Variants in PLEKHG1 observed in about 807,000 individuals in gnomAD.
PLEKHG1 encodes the protein pleckstrin homology domain-containing family G member 1.
A neutral mutation model predicts 100.8 loss-of-function variants in PLEKHG1; 44 were observed. The observed-to-expected ratio is 0.44, with a 90% CI of 0.34 to 0.56. The LOEUF is 0.56. Ranked by LOEUF, PLEKHG1 falls within the 20% of genes least tolerant of loss-of-function variation. The pLI is 0.01. For missense variants in PLEKHG1, 1,545 were observed against 1,720.9 expected (o/e 0.90, Z 1.81); for synonymous variants, 640 against 662.5 (o/e 0.97, Z 0.52).
intron 6 of PLEKHG1, among the ~76,000 whole-genome samples, chr6:150,802,556 A>G (rs999274340): frequency 1.3e-5 from 2 of 152,202 alleles, no homozygotes; most frequent in Admixed American, 1.3e-4. Context: ...GCTGGCAATG[A>G]AGAAAAAAAA....
At chr6:150,771,930 C>A (rs1329361773) in intron 3 of PLEKHG1, among the ~76,000 whole-genome samples, 1 of 152,146 alleles carries the variant, frequency 6.6e-6, no homozygotes, top group Non-Finnish European at 1.5e-5. Context: ...AGGCGTGGCT[C>A]ATGGGAGTTT....
intron 2 of PLEKHG1, among the ~76,000 whole-genome samples, chr6:150,747,850 C>T (rs72570348): frequency 0.1 from 15,667 of 151,290 alleles, 861 homozygotes; most frequent in Admixed American, 0.15. Context: ...GAGCCAAGAT[C>T]GCACCATTGC....
At chr6:150,808,634 T>C (rs1787287986) in intron 7 of PLEKHG1, among the ~76,000 whole-genome samples, 2 of 152,126 alleles carry the variant, frequency 1.3e-5, no homozygotes, top group African/African-American at 4.8e-5. Context: ...GCACCTGTAA[T>C]CCCACCTACT....
chr6:150,833,058 T>TC (rs1195390494), intron 15 of PLEKHG1, among the ~76,000 whole-genome samples: 1 of 151,380 alleles, frequency 6.6e-6, no homozygotes, highest in Non-Finnish European at 1.5e-5. Flanking sequence ...TTTTTTTTTT[T>TC]TTGAGATAGG....
At chr6:150,723,715 G>A (rs894858563) in intron 1 of PLEKHG1, among the ~76,000 whole-genome samples, 1 of 152,118 alleles carries the variant, frequency 6.6e-6, no homozygotes, top group African/African-American at 2.4e-5. Context: ...AGGCTCACCT[G>A]TTATAATAGA....
At chr6:150,829,169 G>A (rs1420025993) in intron 14 of PLEKHG1, among the ~76,000 whole-genome samples, 1 of 152,144 alleles carries the variant, frequency 6.6e-6, no homozygotes, top group Non-Finnish European at 1.5e-5. Context: ...ATATGTCTCT[G>A]GTACTAATTA....
intron 14 of PLEKHG1, among the ~76,000 whole-genome samples, chr6:150,826,928 C>T (rs544214268): frequency 5.4e-4 from 82 of 152,140 alleles, no homozygotes; most frequent in Non-Finnish European, 9.4e-4. Flanking sequence ...TGTGTATCAC[C>T]GTGTCCAGCC....
At chr6:150,663,041 T>C (rs942446383) in intron 3 of PLEKHG1, 3 of 152,138 alleles carry the variant, frequency 2.0e-5, no homozygotes, top group South Asian at 2.1e-4. Flanking sequence ...CATGAAATGC[T>C]GACCTGCTGA....
chr6:150,824,308 AGTGTG>A lies in PLEKHG1; in HGVS notation c.1470+634_1470+638del, dbSNP rs530852938. Among the ~76,000 whole-genome samples the A allele has an allele frequency of 2.3e-3, 357 of 152,332 alleles. 3 individuals carry two copies. The highest frequency in any genetic ancestry group is 7.9e-3 in the African/African-American group (329 of 41,570). On this transcript the variant is annotated intron_variant, in intron 14 of 15. Transcript: ENST00000358517. ...TTCTCCTGACCTGAGTGGTTTGTCC[AGTGTG>A]GCTACTGATCAGTTGGCTTAATTAA...
In PLEKHG1 at chr6:150,605,302, G is replaced by T. The variant is rs1365028631; in HGVS notation, c.-204+5285G>T. Among the ~76,000 whole-genome samples, 3 of 152,230 alleles carry T rather than the reference G, an allele frequency of 2.0e-5. No individual in the cohort carries two copies. The East Asian group carries it at 5.8e-4, about 29-fold the overall frequency. ...CAGGGCCTTGGATGCGATACACAGT[G>T]TAGCAGAGTACATACGTGTATGGGC... On this transcript the variant is annotated intron_variant, in intron 1 of 3. Transcript: ENST00000367326.
chr6:150,782,941 A>T (rs1041537072), intron 3 of PLEKHG1, among the ~76,000 whole-genome samples: 1 of 152,174 alleles, frequency 6.6e-6, no homozygotes, highest in Non-Finnish European at 1.5e-5. Context: ...AAAATCATCA[A>T]AAAGGGAGCT....
At chr6:150,733,498 A>T (rs1265496069) in intron 1 of PLEKHG1, 86 bp from the exon 3 acceptor site, 1 of 1,206,492 alleles carries the variant, frequency 8.3e-7, no homozygotes, top group Non-Finnish European at 1.1e-6. Flanking sequence ...GACTGTATTT[A>T]TTTGAGCTAG....
At chr6:150,703,930 T>G (rs903715841) in intron 3 of PLEKHG1, among the ~76,000 whole-genome samples, 5 of 152,262 alleles carry the variant, frequency 3.3e-5, no homozygotes, top group African/African-American at 1.2e-4. Flanking sequence ...AATTTGTTTA[T>G]ATATTATTAT....
At chr6:150,649,608 G>A (rs1778633580) in intron 2 of PLEKHG1, among the ~76,000 whole-genome samples, 2 of 152,206 alleles carry the variant, frequency 1.3e-5, no homozygotes, top group Admixed American at 6.5e-5. Flanking sequence ...TGGACGCGGT[G>A]GCTTATGCCT....
intron 3 of PLEKHG1, among the ~76,000 whole-genome samples, chr6:150,778,318 G>T (rs190122479): frequency 6.6e-6 from 1 of 152,218 alleles, no homozygotes; most frequent in East Asian, 1.9e-4. Context: ...AGTAGAGAGG[G>T]GGCTTCACCA....
chr6:150,653,068 T>C (rs1189382706), intron 3 of PLEKHG1, among the ~76,000 whole-genome samples: 1 of 152,194 alleles, frequency 6.6e-6, no homozygotes, highest in African/African-American at 2.4e-5. Context: ...GAAGTTCTTT[T>C]CTCTAACTTA....
chr6:150,666,439 G>T (rs954202520), intron 3 of PLEKHG1, among the ~76,000 whole-genome samples: 1 of 152,106 alleles, frequency 6.6e-6, no homozygotes, highest in South Asian at 2.1e-4. Flanking sequence ...CTCTGCTTCG[G>T]CTGTGTTGGT....
chr6:150,619,476 G>A (rs1477898396), intron 1 of PLEKHG1, among the ~76,000 whole-genome samples: 1 of 152,198 alleles, frequency 6.6e-6, no homozygotes, highest in Non-Finnish European at 1.5e-5. Flanking sequence ...GCCTTGGAGG[G>A]CAATAGAAAC....
rs1184719189 is a variant in PLEKHG1 at position 150,600,480 on chromosome 6, G to C, written c.-204+463G>C. Among the ~76,000 whole-genome samples, 3 of 152,176 alleles carry C rather than the reference G, an allele frequency of 2.0e-5. No individual in the cohort carries two copies. The highest frequency in any genetic ancestry group is 1.9e-4 in the East Asian group (1 of 5,176). ...AACGGGACCCCACAGCCAGTCAGCT[G>C]GGTCAGCTCCCCAGCAGCGAAGCCG... On this transcript the variant is annotated intron_variant, in intron 1 of 3. Transcript: ENST00000367326. This position sits in a 1 kb window ranked among gnomAD's most constrained non-coding sequence, Gnocchi z 6.2.
Sources: allele counts gnomAD v4.1 joint callset (sites outside exome capture counted in the v4.1 genomes callset), GRCh38; gene constraint gnomAD v4.1.1; non-coding constraint Gnocchi (gnomAD v3.1); transcripts MANE v1.5; gene names NCBI Gene and HGNC (gene_info 2026-07-23, HGNC 2026-07-21).